Variants in PLEKHG4B observed in about 807,000 individuals in gnomAD.
The protein encoded by PLEKHG4B is pleckstrin homology and RhoGEF domain containing G4B, also known as pleckstrin homology domain-containing family G member 4B.
PLEKHG4B carries 111 observed loss-of-function variants against 121.3 expected under a neutral mutation model. The observed-to-expected ratio is 0.92, with a 90% CI of 0.78 to 1.07. The LOEUF is 1.07. PLEKHG4B is among the 50% of genes least tolerant of loss of function. PLEKHG4B has a pLI of 0.00. For missense variants in PLEKHG4B, 1,831 were observed against 1,757.8 expected (o/e 1.04, Z -0.74); for synonymous variants, 738 against 725.0 (o/e 1.02, Z -0.29).
At chr5:99,170 GTATATATATATATATA>G (rs534174768) in intron 1 of PLEKHG4B, among the ~76,000 whole-genome samples, 3,359 of 100,510 alleles carry the variant, frequency 0.033, 219 homozygotes, top group African/African-American at 0.11. Context: ...AAAAAAAAGT[GTATATATATATATATA>G]TATATATATA....
At chr5:142,918 A>G in intron 3 of PLEKHG4B, 129 bp from the exon 4 acceptor site, 1 of 881,438 alleles carries the variant, frequency 1.1e-6, no homozygotes, top group Non-Finnish European at 1.8e-6. Flanking sequence ...GAACTGGGAC[A>G]AGTTTTCTCG....
In PLEKHG4B at chr5:137,377, T is replaced by C. The variant is rs572194988; in HGVS notation, c.244-2106T>C. The stretch of plus-strand genomic sequence containing the variant: ...GAATGTACTTAATGCCACTGAACTG[T>C]ACCCCGTAAACATAGTTATGCTGGT... On this transcript the variant is annotated intron_variant, in intron 2 of 19. Coordinates refer to ENST00000637938, the MANE Select transcript of PLEKHG4B (RefSeq NM_052909.5). The surrounding 1 kb of genome is among the most constrained non-coding windows in gnomAD (Gnocchi z 4.2). Among the ~76,000 whole-genome samples the C allele has an allele frequency of 1.4e-4, 21 of 152,288 alleles. No individual in the cohort carries two copies. Among genetic ancestry groups the C allele is most frequent in the South Asian group, 4.2e-4 (2 of 4,818 alleles).
In PLEKHG4B at chr5:156,766, T is replaced by A. The variant is rs1347073347; in HGVS notation, c.2349-7T>A. ...TGGAAGCCTGAGGACTGCCTTCTCTTCCTCAGGGACACCCTGGAGGCCGCC... is the reference window on the plus strand; with the variant it reads ...TGGAAGCCTGAGGACTGCCTTCTCTACCTCAGGGACACCCTGGAGGCCGCC... On this transcript the variant is annotated splice_region_variant and splice_polypyrimidine_tract_variant and intron_variant, in intron 10 of 19. Coordinates refer to ENST00000637938, the MANE Select transcript of PLEKHG4B (RefSeq NM_052909.5). The surrounding 1 kb of genome is among the most constrained non-coding windows in gnomAD (Gnocchi z 4.4). The A allele has an allele frequency of 2.6e-6, 4 of 1,548,326 alleles. No homozygotes were observed. Among genetic ancestry groups the A allele is most frequent in the Admixed American group, 2.0e-5 (1 of 51,132 alleles).
At chr5:93,716 A>G (rs1241791550) in intron 1 of PLEKHG4B, among the ~76,000 whole-genome samples, 2 of 152,148 alleles carry the variant, frequency 1.3e-5, no homozygotes, top group Non-Finnish European at 2.9e-5. Flanking sequence ...GTCTAGTCTG[A>G]AATCACCTTT....
At chr5:128,644 C>T (rs1239451408) in intron 2 of PLEKHG4B, among the ~76,000 whole-genome samples, 1 of 152,162 alleles carries the variant, frequency 6.6e-6, no homozygotes, top group East Asian at 1.9e-4. Flanking sequence ...CACAATTTGC[C>T]CTTCATGCTT....
At chr5:147,953 G>A (rs1735478049) in intron 6 of PLEKHG4B, among the ~76,000 whole-genome samples, 1 of 152,022 alleles carries the variant, frequency 6.6e-6, no homozygotes, top group South Asian at 2.1e-4. Context: ...ACTGATCAGT[G>A]TAAACAGAAT....
chr5:98,603 TTGTGTGTGTG>T (rs35724214), intron 1 of PLEKHG4B, among the ~76,000 whole-genome samples: 2,657 of 111,556 alleles, frequency 0.024, 47 homozygotes, highest in Non-Finnish European at 0.033. Flanking sequence ...CCTGGCTAAT[TTGTGTGTGTG>T]TGTGTGTGTG....
chr5:173,102 AGCCAG>A, intron 17 of PLEKHG4B, 35 bp downstream of exon 17: 1 of 1,602,612 alleles, frequency 6.2e-7, no homozygotes, highest in Non-Finnish European at 8.5e-7. Flanking sequence ...GTGCAGGCCG[AGCCAG>A]GCCCTCCAAG....
chr5:164,690 G>A (rs1218502034), intron 13 of PLEKHG4B, among the ~76,000 whole-genome samples: 1 of 90,006 alleles, frequency 1.1e-5, no homozygotes, highest in Non-Finnish European at 2.1e-5. Context: ...AGGGGGCGGA[G>A]CTCACACTAA....
intron 1 of PLEKHG4B, among the ~76,000 whole-genome samples, chr5:103,511 CTCTGGATATACTGCCATTT>C (rs1269497922): frequency 2.0e-5 from 3 of 152,164 alleles, no homozygotes; most frequent in Non-Finnish European, 4.4e-5. Context: ...CCACCCTCGA[CTCTGGATATACTGCCATTT>C]TCTGGATATA....
chr5:124,176 C>A (rs908780471), intron 2 of PLEKHG4B, among the ~76,000 whole-genome samples: 1 of 152,000 alleles, frequency 6.6e-6, no homozygotes, highest in Admixed American at 6.6e-5. Context: ...TGACTTCCAA[C>A]TTCATCCCTT....
rs1384491252 is a variant in PLEKHG4B at position 184,107 on chromosome 5, T to C, written c.*1784T>C. The C allele has an allele frequency of 6.6e-6, 1 of 152,138 alleles. No homozygotes were observed. Among genetic ancestry groups the C allele is most frequent in the Admixed American group, 6.5e-5 (1 of 15,274 alleles). 9.4% of individuals were successfully genotyped at this position (152,138 alleles called of 1,614,324 possible). On this transcript the variant is annotated 3_prime_UTR_variant, in exon 20 of 20. Coordinates refer to ENST00000637938, the MANE Select transcript of PLEKHG4B (RefSeq NM_052909.5). ...AGGTCAAGAGCCCCACAATAGGCCA[T>C]CCACAAGCTGGAGACCCAAGGAAGC...
At position 161,824 on chromosome 5, in the gene PLEKHG4B, G is replaced by A. The variant is rs1450380156; in HGVS notation, c.2529G>A (p.Pro843=). The part of the protein sequence containing the change: ...QKGLQLAKEN[P]QRTEEMVQDF... ...GACTACAGCTGGCGAAGGAGAACCC[G>A]CAACGTACAGAGGAAATGGTCCAGG... is the stretch of plus-strand genomic sequence containing the variant. The change falls in exon 12 of 20, where the codon CCG becomes CCA. Residue 843 remains proline, a synonymous_variant. Coordinates refer to ENST00000637938, the MANE Select transcript of PLEKHG4B (RefSeq NM_052909.5). 8 of 1,613,870 alleles carry A rather than the reference G, an allele frequency of 5.0e-6. No individual in the cohort carries two copies. The highest frequency in any genetic ancestry group is 1.7e-5 in the Admixed American group (1 of 60,024).
rs767878087 is a variant in PLEKHG4B, at chr5:186,943, C to T, written c.*4620C>T. 1.3e-5 allele frequency: 2 copies of T among 152,436 alleles called. No homozygotes were observed. The highest frequency in any genetic ancestry group is 1.5e-5 in the Non-Finnish European group (1 of 68,234). 9.4% of individuals were successfully genotyped at this position (152,436 alleles called of 1,614,324 possible). A position where few individuals can be genotyped will look rare whatever the true frequency, so the allele number is the denominator to read the frequency against. ...CCCCCAGGAAGGGTGTGTGGCCCCACCATCCTGAATGCTCAGGGCTGGTGG... is the reference window on the plus strand; with the variant it reads ...CCCCCAGGAAGGGTGTGTGGCCCCATCATCCTGAATGCTCAGGGCTGGTGG... On this transcript the variant is annotated 3_prime_UTR_variant, in exon 20 of 20. Coordinates refer to ENST00000637938, the MANE Select transcript of PLEKHG4B (RefSeq NM_052909.5).
In PLEKHG4B at chr5:173,919, C is replaced by G; in HGVS notation, c.4223C>G (p.Thr1408Arg). ...DVYLYKQSFK[T>R]AEIGMTENVG... is the part of the protein sequence containing the mutation. ...GCAATGGGTGTTTGCTGACTGCAGA[C>G]GGCCGAGATCGGGATGACAGAGAAC... The change falls in exon 18 of 20, where the codon ACG becomes AGG. Residue 1408 changes from threonine (T) to arginine (R), a missense_variant and splice_region_variant. By Grantham distance (71) the Thr-to-Arg change is moderately conservative. Transcript: ENST00000637938. The G allele has an allele frequency of 6.2e-7, 1 of 1,612,814 alleles. No individual in the cohort carries two copies. The highest frequency in any genetic ancestry group is 8.5e-7 in the Non-Finnish European group (1 of 1,179,580).
chr5:151,814 G>A (rs1397908778), intron 7 of PLEKHG4B, among the ~76,000 whole-genome samples: 1 of 152,152 alleles, frequency 6.6e-6, no homozygotes, highest in African/African-American at 2.4e-5. Flanking sequence ...CACCTCATAT[G>A]GTTTCTTTCC....
chr5:163,119 C>G lies in PLEKHG4B; in HGVS notation c.3047C>G (p.Ala1016Gly). 9 of 1,564,242 alleles carry G rather than the reference C, an allele frequency of 5.8e-6. No individual in the cohort carries two copies. Among genetic ancestry groups the G allele is most frequent in the Non-Finnish European group, 7.8e-6 (9 of 1,154,976 alleles). Residue 1016 changes from alanine to glycine, a missense_variant, in exon 13 of 20, where the codon GCG becomes GGG. By Grantham distance (60) the Ala-to-Gly change is moderately conservative (BLOSUM62 0). Coordinates refer to ENST00000637938, the MANE Select transcript of PLEKHG4B (RefSeq NM_052909.5). ...CCACTGTCCGGCCTCCCTGGACGAG[C>G]GCTTCTGTGTGGACAGGACGGGGAG... ...AQPLSGLPGRALLCGQDGETL... is the reference protein window; with the variant it reads ...AQPLSGLPGRGLLCGQDGETL...
In PLEKHG4B at chr5:139,725, G is replaced by A. The variant is rs371493684; in HGVS notation, c.486G>A (p.Ala162=). ...TGTATGGCTGTGTCTTCACGGGGGCGTTCCTGGAGTGGGTGAACCGGGAGC... is the reference window on the plus strand; with the variant it reads ...TGTATGGCTGTGTCTTCACGGGGGCATTCCTGGAGTGGGTGAACCGGGAGC... ...EAMYGCVFTG[A]FLEWVNRERR... The change falls in exon 3 of 20, where the codon GCG becomes GCA. Residue 162 remains alanine (A), a synonymous_variant. Coordinates refer to ENST00000637938, the MANE Select transcript of PLEKHG4B (RefSeq NM_052909.5). The surrounding 1 kb of genome is among the most constrained non-coding windows in gnomAD (Gnocchi z 5.0). 9.3e-5 allele frequency: 37 copies of A among 398,916 alleles called. No homozygotes were observed. The highest frequency in any genetic ancestry group is 4.3e-4 in the African/African-American group (21 of 48,730). 24.7% of individuals were successfully genotyped at this position (398,916 alleles called of 1,614,324 possible).
chr5:168,831 T>A (rs1171720754), intron 13 of PLEKHG4B, among the ~76,000 whole-genome samples: 1 of 151,370 alleles, frequency 6.6e-6, no homozygotes, highest in Non-Finnish European at 1.5e-5. Context: ...GAGTCGCTCC[T>A]TGCTGAGGAT....
Sources: gnomAD v4.1 joint callset for allele counts (sites outside exome capture counted in the v4.1 genomes callset) on GRCh38, gnomAD v4.1.1 for gene constraint, Gnocchi (gnomAD v3.1) non-coding constraint, MANE v1.5 for transcripts, NCBI Gene and HGNC (gene_info 2026-07-23, HGNC 2026-07-21) for gene names.